The following DPP10 variants were observed in gnomAD, a reference collection of about 807,000 sequenced individuals.
The protein encoded by DPP10 is inactive dipeptidyl peptidase 10.
Under a neutral mutation model 120.9 loss-of-function variants are expected in DPP10, and 33 were observed. The ratio of observed to expected loss-of-function variants is 0.27; its 90% CI spans 0.21 to 0.37. The LOEUF (loss-of-function observed/expected upper bound fraction) is 0.37. Among genes scored for constraint, DPP10 ranks in the 10% least tolerant of loss-of-function variants. DPP10 has a pLI of 1.00. For missense variants in DPP10, 816 were observed against 942.8 expected (o/e 0.87, Z 1.76); for synonymous variants, 337 against 326.1 (o/e 1.03, Z -0.36).
At chr2:114,818,331 G>A (rs138529186) in intron 1 of DPP10, among the ~76,000 whole-genome samples, 2 of 152,112 alleles carry the variant, frequency 1.3e-5, no homozygotes, top group Non-Finnish European at 2.9e-5. Flanking sequence ...CTCTAACAGA[G>A]GGTCATTTCT....
At chr2:115,577,320 A>G (rs550630590) in intron 5 of DPP10, among the ~76,000 whole-genome samples, 2 of 152,332 alleles carry the variant, frequency 1.3e-5, no homozygotes, top group Admixed American at 1.3e-4. Context: ...CTTAGCAAGA[A>G]GGCATGGGTG....
chr2:114,461,864 G>A (rs539870913), intron 1 of DPP10: 21 of 985,250 alleles, frequency 2.1e-5, no homozygotes, highest in Non-Finnish European at 2.5e-5. Flanking sequence ...AAGAAGAATG[G>A]AAAATGAAAA....
At chr2:114,647,624 T>C (rs998232336) in intron 1 of DPP10, among the ~76,000 whole-genome samples, 3 of 151,918 alleles carry the variant, frequency 2.0e-5, no homozygotes, top group African/African-American at 7.3e-5. Context: ...TGGACAGCCA[T>C]TAAAAATGTG....
intron 3 of DPP10, among the ~76,000 whole-genome samples, chr2:115,451,736 A>G (rs930605115): frequency 1.3e-5 from 2 of 151,926 alleles, no homozygotes; most frequent in South Asian, 2.1e-4. Context: ...TTATGAATGT[A>G]TAATTTTTAT....
chr2:114,699,097 T>C (rs1238989712), intron 1 of DPP10, among the ~76,000 whole-genome samples: 1 of 152,132 alleles, frequency 6.6e-6, no homozygotes, highest in Admixed American at 6.6e-5. Flanking sequence ...CACAGGCTGC[T>C]CTAGGCAGGA....
At chr2:114,709,125 C>T (rs1316284553) in intron 1 of DPP10, among the ~76,000 whole-genome samples, 1 of 152,168 alleles carries the variant, frequency 6.6e-6, no homozygotes, top group Non-Finnish European at 1.5e-5. Flanking sequence ...AGCCAATTCC[C>T]AGGCTCCTAT....
rs192362252 is a variant in DPP10, at chr2:115,276,257, A to T, written c.61-32982A>T. On this transcript the variant is annotated intron_variant, in intron 1 of 25. Transcript: ENST00000410059. ...ATTTGGGACAATCGCCTTTAAAGAC[A>T]TTGAGAGTTCACTAAGGTTGCTGAT... 8.1e-4 allele frequency among the ~76,000 whole-genome samples: 124 copies of T among 152,252 alleles called. 5 individuals carry two copies. In the Middle Eastern group the frequency reaches 0.014, roughly 17 times the overall value.
At chr2:114,466,983 A>G (rs1679441762) in intron 1 of DPP10, among the ~76,000 whole-genome samples, 2 of 151,214 alleles carry the variant, frequency 1.3e-5, no homozygotes, top group Admixed American at 1.3e-4. Context: ...CGGAAGTCAC[A>G]GTGAGCAAGA....
chr2:114,527,087 C>G (rs941218600), intron 1 of DPP10, among the ~76,000 whole-genome samples: 1 of 152,124 alleles, frequency 6.6e-6, no homozygotes, highest in Non-Finnish European at 1.5e-5. Context: ...CTCAGGGCTT[C>G]CTTTGGACTC....
intron 1 of DPP10, among the ~76,000 whole-genome samples, chr2:114,872,517 C>A (rs1690772852): frequency 6.6e-6 from 1 of 152,152 alleles, no homozygotes; most frequent in Non-Finnish European, 1.5e-5. Flanking sequence ...TGGCAGGTAA[C>A]AATTAAGCTG....
intron 1 of DPP10, among the ~76,000 whole-genome samples, chr2:114,928,539 A>T (rs952779997): frequency 1.3e-5 from 2 of 152,132 alleles, no homozygotes; most frequent in African/African-American, 4.8e-5. Flanking sequence ...GCTGGGTGCA[A>T]TCCCCCTGGC....
At chr2:115,323,721 C>T (rs2062187306) in intron 2 of DPP10, among the ~76,000 whole-genome samples, 1 of 152,158 alleles carries the variant, frequency 6.6e-6, no homozygotes, top group South Asian at 2.1e-4. Flanking sequence ...TATTGATGTA[C>T]ATCTTCATCA....
At chr2:115,182,060 GAAAT>G in intron 1 of DPP10, among the ~76,000 whole-genome samples, 1 of 152,202 alleles carries the variant, frequency 6.6e-6, no homozygotes, top group East Asian at 1.9e-4. Flanking sequence ...CTGTAAAATA[GAAAT>G]AAATATAAAG....
At chr2:115,544,719 A>G (rs185480228) in intron 5 of DPP10, among the ~76,000 whole-genome samples, 15 of 152,148 alleles carry the variant, frequency 9.9e-5, no homozygotes, top group Admixed American at 5.3e-4. Flanking sequence ...TAAGGGCAAC[A>G]TAACATATGG....
At chr2:115,458,200 C>T (rs956572748) in intron 3 of DPP10, among the ~76,000 whole-genome samples, 13 of 152,048 alleles carry the variant, frequency 8.5e-5, no homozygotes, top group Non-Finnish European at 7.4e-5. Flanking sequence ...AAATGAGAGA[C>T]ATGGAAGGAG....
At chr2:114,962,650 G>C (rs1303909563) in intron 1 of DPP10, among the ~76,000 whole-genome samples, 1 of 151,758 alleles carries the variant, frequency 6.6e-6, no homozygotes. Flanking sequence ...CCCTTTGAGA[G>C]AAAGAGAATT....
intron 5 of DPP10, among the ~76,000 whole-genome samples, chr2:115,602,536 C>T (rs894775719): frequency 6.6e-6 from 1 of 152,022 alleles, no homozygotes; most frequent in African/African-American, 2.4e-5. Flanking sequence ...TCTATTTGCT[C>T]TTTGGAGTCA....
chr2:114,813,511 T>G (rs1218193254), intron 1 of DPP10, among the ~76,000 whole-genome samples: 2 of 152,206 alleles, frequency 1.3e-5, no homozygotes, highest in African/African-American at 4.8e-5. Context: ...AACAATCCTG[T>G]GCCTAAGAAA....
chr2:115,432,087 A>G (rs1224278969), intron 3 of DPP10, among the ~76,000 whole-genome samples: 2 of 152,240 alleles, frequency 1.3e-5, no homozygotes, highest in South Asian at 4.1e-4. Flanking sequence ...ACCAAACAGA[A>G]TTAACCCAGA....
Sources: allele counts gnomAD v4.1 joint callset (sites outside exome capture counted in the v4.1 genomes callset), GRCh38; gene constraint gnomAD v4.1.1; transcripts MANE v1.5; gene names NCBI Gene and HGNC (gene_info 2026-07-23, HGNC 2026-07-21).